GALNT13: variants seen among roughly 807,000 people sequenced by gnomAD.
The protein encoded by GALNT13 is UDP-GalNAc:polypeptide N-acetylgalactosaminyltransferase 13.
A neutral mutation model predicts 64.2 loss-of-function variants in GALNT13; 28 were observed. The observed-to-expected ratio is 0.44, with a 90% confidence interval of 0.32 to 0.60. GALNT13 has a LOEUF of 0.60. Ranked by LOEUF, GALNT13 falls within the 20% of genes least tolerant of loss-of-function variation. The pLI is 0.05. For synonymous variants in GALNT13, 214 were observed against 224.6 expected, an observed-to-expected ratio of 0.95 and a Z score of 0.42; for missense variants, 577 against 669.8, an observed-to-expected ratio of 0.86 and a Z score of 1.53.
At chr2:154,344,484 G>A (rs1253826367) in intron 9 of GALNT13, among the ~76,000 whole-genome samples, 1 of 96,746 alleles carries the variant, frequency 1.0e-5, no homozygotes, top group East Asian at 2.0e-4. Context: ...GGAAAAAATT[G>A]TTGAAATGGA....
chr2:153,698,699 GGTATTCA>G, the GALNT13 span, among the ~76,000 whole-genome samples: 18 of 152,170 alleles, frequency 1.2e-4, no homozygotes, highest in South Asian at 2.3e-3. Context: ...AATTAACAAG[GGTATTCA>G]AGACTTGAAC....
chr2:154,027,731 A>G (rs1698070507), intron 3 of GALNT13, among the ~76,000 whole-genome samples: 2 of 152,174 alleles, frequency 1.3e-5, no homozygotes, highest in Non-Finnish European at 1.5e-5. Context: ...ATTGTATAAT[A>G]TCTATAAATA....
the GALNT13 span, among the ~76,000 whole-genome samples, chr2:153,686,019 A>G: frequency 6.6e-6 from 1 of 152,066 alleles, no homozygotes; most frequent in Non-Finnish European, 1.5e-5. Flanking sequence ...TTTTTGTACC[A>G]GTACCACGCT....
At chr2:153,182,095 G>A in the GALNT13 span, among the ~76,000 whole-genome samples, 1 of 151,314 alleles carries the variant, frequency 6.6e-6, no homozygotes, top group Non-Finnish European at 1.5e-5. Context: ...CCAGGCTGGA[G>A]TGCAGTGGCA....
chr2:153,473,040 G>T, the GALNT13 span, among the ~76,000 whole-genome samples: 1 of 151,998 alleles, frequency 6.6e-6, no homozygotes, highest in African/African-American at 2.4e-5. Flanking sequence ...GTCGGCGGGT[G>T]GGGGGCTAGG....
At chr2:153,116,794 C>CTTTTT in the GALNT13 span, among the ~76,000 whole-genome samples, 686 of 82,330 alleles carry the variant, frequency 8.3e-3, 10 homozygotes, top group South Asian at 9.8e-3. Context: ...GTGTTGTCTT[C>CTTTTT]TTTTTTTTTT....
chr2:153,279,919 T>C, the GALNT13 span, among the ~76,000 whole-genome samples: 2 of 152,180 alleles, frequency 1.3e-5, no homozygotes, highest in Non-Finnish European at 2.9e-5. Flanking sequence ...CTCAAACTTT[T>C]GCAATAGTTT....
chr2:153,221,989 T>A, the GALNT13 span, among the ~76,000 whole-genome samples: 1 of 151,956 alleles, frequency 6.6e-6, no homozygotes, highest in Non-Finnish European at 1.5e-5. Flanking sequence ...TCTCTCCTTA[T>A]TCCCCCAAGG....
the GALNT13 span, among the ~76,000 whole-genome samples, chr2:153,220,814 A>G: frequency 6.6e-6 from 1 of 152,242 alleles, no homozygotes; most frequent in South Asian, 2.1e-4. Context: ...TAATAAATAG[A>G]AAACAATATC....
At chr2:153,829,246 G>A in the GALNT13 span, among the ~76,000 whole-genome samples, 3 of 151,876 alleles carry the variant, frequency 2.0e-5, no homozygotes, top group African/African-American at 7.3e-5. Context: ...CCACTCTACT[G>A]GTACCAATTT....
chr2:153,423,648 A>G, the GALNT13 span, among the ~76,000 whole-genome samples: 1 of 151,892 alleles, frequency 6.6e-6, no homozygotes, highest in Non-Finnish European at 1.5e-5. Context: ...ACAAACAGCA[A>G]ACAAAAATAT....
intron 2 of GALNT13, among the ~76,000 whole-genome samples, chr2:153,934,560 T>C (rs965779870): frequency 3.3e-5 from 5 of 152,302 alleles, no homozygotes; most frequent in African/African-American, 1.2e-4. Flanking sequence ...ATGTCACGTG[T>C]CAATGCAGTT....
the GALNT13 span, among the ~76,000 whole-genome samples, chr2:153,676,561 CA>C: frequency 6.6e-6 from 1 of 151,952 alleles, no homozygotes; most frequent in Non-Finnish European, 1.5e-5. Flanking sequence ...GACACAACAG[CA>C]AAAAATGTCA....
intron 4 of GALNT13, among the ~76,000 whole-genome samples, chr2:154,224,111 G>T (rs1688463489): frequency 1.3e-5 from 2 of 152,012 alleles, no homozygotes; most frequent in Non-Finnish European, 1.5e-5. Context: ...TTATAAAAGA[G>T]TATATACCTT....
At chr2:154,329,225 C>A (rs777482673) in intron 9 of GALNT13, among the ~76,000 whole-genome samples, 1 of 152,112 alleles carries the variant, frequency 6.6e-6, no homozygotes, top group African/African-American at 2.4e-5. Context: ...CCTGCCTCCA[C>A]CTCCCAAGTA....
chr2:153,180,421 G>A, the GALNT13 span, among the ~76,000 whole-genome samples: 2 of 152,056 alleles, frequency 1.3e-5, no homozygotes, highest in Non-Finnish European at 2.9e-5. Flanking sequence ...GATAAAATCA[G>A]TTTGCTAGTA....
At chr2:154,026,972 A>G (rs777069491) in intron 3 of GALNT13, among the ~76,000 whole-genome samples, 1 of 152,180 alleles carries the variant, frequency 6.6e-6, no homozygotes, top group Non-Finnish European at 1.5e-5. Context: ...AGGAGAAGAG[A>G]AGATAGCAAA....
intron 4 of GALNT13, among the ~76,000 whole-genome samples, chr2:154,205,447 G>T (rs578223296): frequency 1.3e-5 from 2 of 152,286 alleles, no homozygotes; most frequent in South Asian, 2.1e-4. Flanking sequence ...TAGAAAAAAA[G>T]ATTGTAAATT....
chr2:153,133,377 CT>C, the GALNT13 span, among the ~76,000 whole-genome samples: 1 of 152,104 alleles, frequency 6.6e-6, no homozygotes, highest in Non-Finnish European at 1.5e-5. Context: ...AGTTCACACC[CT>C]TTGCAGGGGG....
Sources: gnomAD v4.1 joint callset for allele counts (sites outside exome capture counted in the v4.1 genomes callset) on GRCh38, gnomAD v4.1.1 for gene constraint, MANE v1.5 for transcripts, NCBI Gene and HGNC (gene_info 2026-07-23, HGNC 2026-07-21) for gene names.